HIP1: variants seen among roughly 807,000 people sequenced by gnomAD.
HIP1 encodes huntingtin interacting protein 1.
HIP1 carries 65 observed loss-of-function variants against 147.6 expected under a neutral mutation model. The observed-to-expected ratio is 0.44, with a 90% CI of 0.36 to 0.54. The LOEUF (loss-of-function observed/expected upper bound fraction) is 0.54, where lower values mean the gene tolerates loss of function less well. HIP1 is among the 20% of genes least tolerant of loss of function. The probability of loss-of-function intolerance (pLI) is 0.00; values close to 1 mark genes in which losing one functional copy is unlikely to be tolerated. For missense variants in HIP1, 1,061 were observed against 1,299.6 expected (o/e 0.82, Z 2.82); for synonymous variants, 479 against 504.0 (o/e 0.95, Z 0.67).
chr7:75,580,370 C>T (rs985989492), intron 7 of HIP1, among the ~76,000 whole-genome samples: 3 of 152,096 alleles, frequency 2.0e-5, no homozygotes, highest in African/African-American at 4.8e-5. Flanking sequence ...TGGAGGCCTG[C>T]GCTTCAGGAG....
chr7:75,712,354 TC>T (rs1801186119), intron 1 of HIP1, among the ~76,000 whole-genome samples: 1 of 152,166 alleles, frequency 6.6e-6, no homozygotes, highest in South Asian at 2.1e-4. Context: ...CCAGGAGTGT[TC>T]CAGGCACTGA....
chr7:75,657,272 T>C (rs1244902822), intron 1 of HIP1, among the ~76,000 whole-genome samples: 1 of 152,160 alleles, frequency 6.6e-6, no homozygotes, highest in African/African-American at 2.4e-5. Context: ...GGCTCACGCC[T>C]GTAATCCCAG....
chr7:75,649,934 A>G (rs1332618059), intron 1 of HIP1, among the ~76,000 whole-genome samples: 1 of 152,084 alleles, frequency 6.6e-6, no homozygotes, highest in African/African-American at 2.4e-5. Flanking sequence ...TGTTCCCCCC[A>G]TATTAAACAC....
At chr7:75,642,191 G>A (rs1554510579) in intron 1 of HIP1, among the ~76,000 whole-genome samples, 1 of 152,148 alleles carries the variant, frequency 6.6e-6, no homozygotes, top group Non-Finnish European at 1.5e-5. Flanking sequence ...TTGAGGCCAG[G>A]ATTCTAGACC....
intron 1 of HIP1, among the ~76,000 whole-genome samples, chr7:75,701,281 C>A (rs1584961855): frequency 6.6e-6 from 1 of 152,092 alleles, no homozygotes; most frequent in East Asian, 1.9e-4. Context: ...TTAATCTCAG[C>A]CACCTTAACG....
At chr7:75,588,305 C>T (rs1042610142) in intron 4 of HIP1, among the ~76,000 whole-genome samples, 7 of 151,998 alleles carry the variant, frequency 4.6e-5, no homozygotes, top group Non-Finnish European at 8.8e-5. Flanking sequence ...AGAAAGTAAC[C>T]GAACATAAAG....
rs587622177 is a variant in HIP1, at chr7:75,627,072, T to C, written c.121-27825A>G. ...CCTGTTTCCTTACTGCTGGTGCTGA[T>C]GACCTCAGCTATGTGGTATTAAAAT... On this transcript the variant is annotated intron_variant, in intron 1 of 30. Coordinates refer to ENST00000336926, the MANE Select transcript of HIP1 (RefSeq NM_005338.7). 4.6e-5 allele frequency: 7 copies of C among 152,336 alleles called. No individual in the cohort carries two copies. The East Asian group carries it at 1.3e-3, about 29-fold the overall frequency. 9.4% of individuals were successfully genotyped at this position (152,336 alleles called of 1,614,324 possible). A position where few individuals can be genotyped will look rare whatever the true frequency, so the allele number is the denominator to read the frequency against.
At chr7:75,622,719 T>A (rs1436208881) in intron 1 of HIP1, among the ~76,000 whole-genome samples, 7 of 152,080 alleles carry the variant, frequency 4.6e-5, no homozygotes, top group African/African-American at 1.7e-4. Flanking sequence ...GGCTGGTGCC[T>A]GTAATCCCAA....
intron 1 of HIP1, among the ~76,000 whole-genome samples, chr7:75,623,448 G>C (rs1447734770): frequency 6.6e-6 from 1 of 152,184 alleles, no homozygotes; most frequent in Admixed American, 6.6e-5. Flanking sequence ...GATGGGAATG[G>C]GGCCTGGTGC....
At chr7:75,572,568 T>C (rs1795682786) in intron 8 of HIP1, among the ~76,000 whole-genome samples, 3 of 152,124 alleles carry the variant, frequency 2.0e-5, no homozygotes, top group Admixed American at 2.0e-4. Flanking sequence ...CAGCTGCCAG[T>C]CCAGATGGCC....
At chr7:75,660,151 A>G (rs1417805474) in intron 1 of HIP1, among the ~76,000 whole-genome samples, 1 of 151,592 alleles carries the variant, frequency 6.6e-6, no homozygotes, top group Non-Finnish European at 1.5e-5. Context: ...CACACAAAAA[A>G]ACTCAGGTTC....
chr7:75,568,079 G>T lies in HIP1; in HGVS notation c.803+120C>A, dbSNP rs1470727827. ...GATCCTCCCGCCTCAGCCTCCCAAA[G>T]AGTTGGGGTTACAGGCATGAACCAC... is the stretch of plus-strand genomic sequence containing the variant. On this transcript the variant is annotated intron_variant, in intron 9 of 30. Transcript: ENST00000336926. This position sits in a 1 kb window ranked among gnomAD's most constrained non-coding sequence, Gnocchi z 4.1. The T allele has an allele frequency of 1.7e-5, 13 of 749,744 alleles. No homozygotes were observed. Among genetic ancestry groups the T allele is most frequent in the Non-Finnish European group, 2.9e-5 (12 of 414,510 alleles). The allele number at this position is 749,744 out of a possible 1,614,324, so 46.4% of individuals were successfully genotyped here.
intron 1 of HIP1, among the ~76,000 whole-genome samples, chr7:75,734,498 C>G (rs568070874): frequency 6.6e-6 from 1 of 152,168 alleles, no homozygotes; most frequent in Admixed American, 6.5e-5. Context: ...CAGGGCTGAA[C>G]TACCCACCTA....
Position 75,541,956 on chromosome 7 carries a change from G to A in HIP1, c.2915C>T (p.Thr972Met), listed in dbSNP as rs139294983. 509 of 1,613,752 alleles carry A rather than the reference G, an allele frequency of 3.2e-4. 1 individual carries two copies. The highest frequency in any genetic ancestry group is 3.6e-4 in the Non-Finnish European group (419 of 1,179,794). Residue 972 changes from threonine (T) to methionine (M), a missense_variant, in exon 29 of 31, where the codon ACG (threonine) becomes ATG (methionine). Around this residue, in one of 3 missense-constraint regions of HIP1, gnomAD observed 810 missense variants for 946.8 expected, o/e 0.86. Transcript: ENST00000336926. ...CTCTTGGCGTTTGATCTGTGTCAGC[G>A]TCATGCTTGAGAAGTCCATGTTGTC... Reference protein sequence around the residue: ...ETDNMDFSSMTLTQIKRQEMD... With the variant: ...ETDNMDFSSMMLTQIKRQEMD...
chr7:75,716,531 T>TC (rs1246435892), intron 1 of HIP1, among the ~76,000 whole-genome samples: 1 of 149,634 alleles, frequency 6.7e-6, no homozygotes, highest in African/African-American at 2.5e-5. Flanking sequence ...CTTTTTTTTT[T>TC]TTTTTTGAGA....
At chr7:75,715,458 C>CAGAGAG (rs1164089551) in intron 1 of HIP1, among the ~76,000 whole-genome samples, 9 of 106,644 alleles carry the variant, frequency 8.4e-5, no homozygotes, top group South Asian at 3.0e-4. Context: ...GAGACACACA[C>CAGAGAG]AGAGAGAGAG....
At chr7:75,613,215 C>A (rs921250210) in intron 1 of HIP1, among the ~76,000 whole-genome samples, 1 of 152,082 alleles carries the variant, frequency 6.6e-6, no homozygotes. Flanking sequence ...GGACCTACCA[C>A]CTGAGTGAGG....
intron 3 of HIP1, 118 bp downstream of exon 3, chr7:75,592,254 C>G: frequency 7.0e-7 from 1 of 1,437,012 alleles, no homozygotes; most frequent in Non-Finnish European, 9.6e-7. Context: ...TAATGGGGAA[C>G]CCAAAGGCCA....
In HIP1 at chr7:75,534,030, C is replaced by T. The variant is rs914064901; in HGVS notation, c.*4142G>A. 11 of 231,614 alleles carry T rather than the reference C, an allele frequency of 4.7e-5. No homozygotes were observed. The highest frequency in any genetic ancestry group is 2.2e-4 in the African/African-American group (10 of 45,248). The allele number at this position is 231,614 out of a possible 1,614,324, so 14.3% of individuals were successfully genotyped here. A position where few individuals can be genotyped will look rare whatever the true frequency, so the allele number is the denominator to read the frequency against. On this transcript the variant is annotated 3_prime_UTR_variant, in exon 31 of 31. Coordinates refer to ENST00000336926, the MANE Select transcript of HIP1 (RefSeq NM_005338.7). ...TGGTAGAAGGTAGCAAGATGCTGACCGGTTATTAAAGACCAGGGTCAAATG... is the reference window on the plus strand; with the variant it reads ...TGGTAGAAGGTAGCAAGATGCTGACTGGTTATTAAAGACCAGGGTCAAATG...
Sources: allele counts gnomAD v4.1 joint callset (sites outside exome capture counted in the v4.1 genomes callset), GRCh38; gene constraint gnomAD v4.1.1; regional missense constraint gnomAD v4.1.1; non-coding constraint Gnocchi (gnomAD v3.1); transcripts MANE v1.5; gene names NCBI Gene and HGNC (gene_info 2026-07-23, HGNC 2026-07-21).